Variants in WDR54 observed in about 807,000 individuals in gnomAD.
The protein encoded by WDR54 is WD repeat domain 54.
Under a neutral mutation model 44.1 loss-of-function variants are expected in WDR54, and 44 were observed. The observed-to-expected ratio is 1.00, with a 90% CI of 0.78 to 1.28. WDR54 has a LOEUF of 1.28. Ranked by LOEUF, WDR54 falls within the 50% of genes most tolerant of loss-of-function variation. The pLI is 0.00. For missense variants in WDR54, 409 were observed against 429.7 expected (o/e 0.95, Z 0.43); for synonymous variants, 169 against 169.8 (o/e 1.00, Z 0.04).
rs140344185 is a variant in WDR54 at position 74,423,913 on chromosome 2, A to G, written c.465A>G (p.Val155=). The change falls in exon 6 of 10, where the codon GTA becomes GTG. Residue 155 remains valine (V), a synonymous_variant. Coordinates refer to ENST00000348227, the MANE Select transcript of WDR54 (RefSeq NM_032118.4). ...TCCCAGCAAAGGGTCCCAACATTGTACTGAGCGAGGAGCTGGCTGGGCACC... is the reference window on the plus strand; with the variant it reads ...TCCCAGCAAAGGGTCCCAACATTGTGCTGAGCGAGGAGCTGGCTGGGCACC... ...FDIPAKGPNI[V]LSEELAGHQM... 52 of 1,614,104 alleles carry G rather than the reference A, an allele frequency of 3.2e-5. 1 individual carries two copies. The African/African-American group carries it at 5.3e-4, about 17-fold the overall frequency.
chr2:74,422,399 T>G, intron 2 of WDR54, 24 bp downstream of exon 2: 5 of 1,600,964 alleles, frequency 3.1e-6, no homozygotes, highest in Non-Finnish European at 2.6e-6. Context: ...CTGGGAGTGA[T>G]GTTGCTGAAC....
chr2:74,422,085 C>G, intron 1 of WDR54, 68 bp from the exon 2 acceptor site: 5 of 1,512,414 alleles, frequency 3.3e-6, no homozygotes, highest in Non-Finnish European at 4.5e-6. Flanking sequence ...TCGATGATAG[C>G]CGCCCTCGGG....
intron 6 of WDR54, among the ~76,000 whole-genome samples, chr2:74,424,648 T>C (rs746462111): frequency 2.0e-5 from 3 of 152,138 alleles, no homozygotes; most frequent in East Asian, 1.9e-4. Context: ...CCTAATGTTA[T>C]TGGGGGATGG....
At position 74,421,742 on chromosome 2, in the gene WDR54, G is replaced by T; in HGVS notation, c.-76G>T. 1 of 601,320 alleles carries T rather than the reference G, an allele frequency of 1.7e-6. No individual in the cohort carries two copies. Among genetic ancestry groups the T allele is most frequent in the Non-Finnish European group, 3.0e-6 (1 of 328,682 alleles). The allele number at this position is 601,320 out of a possible 1,614,324, so 37.2% of individuals were successfully genotyped here. On this transcript the variant is annotated 5_prime_UTR_variant, in exon 1 of 10. Coordinates refer to ENST00000348227, the MANE Select transcript of WDR54 (RefSeq NM_032118.4). The stretch of plus-strand genomic sequence containing the variant: ...CCGCCCAAGGGCCGTGCGTACGTGC[G>T]TCGTCTCTATGGTGGCGGCGGATTT...
intron 2 of WDR54, 74 bp from the exon 3 acceptor site, chr2:74,422,792 CCCAA>C: frequency 8.5e-7 from 1 of 1,172,772 alleles, no homozygotes. Flanking sequence ...GACTCCGTCC[CCCAA>C]AAAAAAAAAA....
chr2:74,423,908 A>G lies in WDR54; in HGVS notation c.460A>G (p.Ile154Val), dbSNP rs752666618. The change falls in exon 6 of 10, where the codon ATT becomes GTT. Residue 154 changes from isoleucine to valine, a missense_variant. Coordinates refer to ENST00000348227, the MANE Select transcript of WDR54 (RefSeq NM_032118.4). ...VFDIPAKGPN[I>V]VLSEELAGHQ... ...TGACATCCCAGCAAAGGGTCCCAAC[A>G]TTGTACTGAGCGAGGAGCTGGCTGG... 9 of 1,614,142 alleles carry G rather than the reference A, an allele frequency of 5.6e-6. No individual in the cohort carries two copies. Among genetic ancestry groups the G allele is most frequent in the South Asian group, 5.5e-5 (5 of 91,078 alleles).
rs1356418637 is a variant in WDR54, at chr2:74,423,999, T to A, written c.534+17T>A. On this transcript the variant is annotated intron_variant, in intron 6 of 9. Coordinates refer to ENST00000348227, the MANE Select transcript of WDR54 (RefSeq NM_032118.4). ...CAGGGACAGGTGAGTGGACTTCCCCTACCCATCTGGGAGCCTTCCCCACCC... is the reference window on the plus strand; with the variant it reads ...CAGGGACAGGTGAGTGGACTTCCCCAACCCATCTGGGAGCCTTCCCCACCC... 6.2e-7 allele frequency: 1 copy of A among 1,613,768 alleles called. No individual in the cohort carries two copies.
Position 74,423,926 on chromosome 2 carries a change from C to T in WDR54, c.478C>T (p.Leu160=). 2 of 1,614,146 alleles carry T rather than the reference C, an allele frequency of 1.2e-6. No homozygotes were observed. Among genetic ancestry groups the T allele is most frequent in the Middle Eastern group, 1.6e-4 (1 of 6,062 alleles). Residue 160 remains leucine, a synonymous_variant, in exon 6 of 10, where the codon CTG becomes TTG. Transcript: ENST00000348227. ...KGPNIVLSEE[L]AGHQMPITDI... is the part of the protein sequence containing the mutation. ...TCCCAACATTGTACTGAGCGAGGAG[C>T]TGGCTGGGCACCAGATGCCAATCAC...
chr2:74,422,456 A>T (rs895815131), intron 2 of WDR54, 81 bp downstream of exon 2: 1 of 1,443,956 alleles, frequency 6.9e-7, no homozygotes, highest in Non-Finnish European at 9.4e-7. Flanking sequence ...AGGAGCAGGC[A>T]TGTCCTAACC....
chr2:74,423,466 T>A lies in WDR54; in HGVS notation c.353-12T>A, dbSNP rs1670215212. 1.2e-6 allele frequency: 2 copies of A among 1,613,848 alleles called. No individual in the cohort carries two copies. ...GGGGATATTTCTGATCATTCTCCCC[T>A]TTCATATTCAGTACAGGCTGTGTTT... On this transcript the variant is annotated splice_polypyrimidine_tract_variant and intron_variant, in intron 4 of 9. Coordinates refer to ENST00000348227, the MANE Select transcript of WDR54 (RefSeq NM_032118.4).
At chr2:74,423,111 C>G in intron 3 of WDR54, 179 bp downstream of exon 3, 3 of 816,034 alleles carry the variant, frequency 3.7e-6, no homozygotes, top group Non-Finnish European at 6.1e-6. Flanking sequence ...AGTGCCACCT[C>G]CAGTATCTGC....
Position 74,422,180 on chromosome 2 carries a change from C to G in WDR54, c.27C>G (p.Pro9=). 1.2e-6 allele frequency: 2 copies of G among 1,613,514 alleles called. No individual in the cohort carries two copies. Among genetic ancestry groups the G allele is most frequent in the Non-Finnish European group, 1.7e-6 (2 of 1,180,032 alleles). MFRWERSI[P]LRGSAAALCN... Reference sequence around the variant, plus strand: ...TGTTCCGCTGGGAGCGCTCCATTCCCCTGCGAGGCTCGGCCGCCGCCCTGT... The same window carrying G: ...TGTTCCGCTGGGAGCGCTCCATTCCGCTGCGAGGCTCGGCCGCCGCCCTGT... Residue 9 remains proline, a synonymous_variant, in exon 2 of 10, where the codon CCC becomes CCG. Transcript: ENST00000348227.
intron 6 of WDR54, 58 bp from the exon 7 acceptor site, chr2:74,424,816 CT>C: frequency 6.2e-7 from 1 of 1,602,714 alleles, no homozygotes; most frequent in Non-Finnish European, 8.5e-7. Context: ...CCCTCCTGCC[CT>C]GTATACAGGA....
In WDR54 at chr2:74,422,112, G is replaced by T. The variant is rs376301944; in HGVS notation, c.-1-41G>T. Reference sequence around the variant, plus strand: ...GCCCTCGGGCATCTCCGCTGCGTCTGTTTGTAGCGCGCCTGGTGATTCGGC... The same window carrying T: ...GCCCTCGGGCATCTCCGCTGCGTCTTTTTGTAGCGCGCCTGGTGATTCGGC... On this transcript the variant is annotated intron_variant, in intron 1 of 9. Coordinates refer to ENST00000348227, the MANE Select transcript of WDR54 (RefSeq NM_032118.4). 2.5e-6 allele frequency: 4 copies of T among 1,597,190 alleles called. No individual in the cohort carries two copies. The Admixed American group carries it at 6.7e-5, about 27-fold the overall frequency.
rs565011328 is a variant in WDR54, at chr2:74,424,763, C to T, written c.535-112C>T. On this transcript the variant is annotated intron_variant, in intron 6 of 9. Coordinates refer to ENST00000348227, the MANE Select transcript of WDR54 (RefSeq NM_032118.4). The stretch of plus-strand genomic sequence containing the variant: ...TAGCTAGTGAGAGCTCCACACCTTG[C>T]CCTTTCCCTGGAGAGGCAAAGATGC... The T allele has an allele frequency of 3.7e-6, 5 of 1,347,918 alleles. No individual in the cohort carries two copies. The Admixed American group carries it at 6.8e-5, about 18-fold the overall frequency. 83.5% of individuals were successfully genotyped at this position (1,347,918 alleles called of 1,614,324 possible). A position where few individuals can be genotyped will look rare whatever the true frequency, so the allele number is the denominator to read the frequency against.
intron 7 of WDR54, 45 bp from the exon 8 acceptor site, chr2:74,425,030 T>C (rs1253800030): frequency 6.2e-7 from 1 of 1,613,546 alleles, no homozygotes; most frequent in Admixed American, 1.7e-5. Context: ...GGCTGGGGAG[T>C]AGGATTTGAT....
rs1258313400 is a variant in WDR54, at chr2:74,422,400, G to A, written c.222+25G>A. The A allele has an allele frequency of 1.8e-5, 29 of 1,599,384 alleles. 1 individual carries two copies. In the Admixed American group the frequency reaches 4.7e-4, roughly 26 times the overall value. On this transcript the variant is annotated intron_variant, in intron 2 of 9. Transcript: ENST00000348227. ...GGTGAGGCATGGAGCTGGGAGTGAT[G>A]TTGCTGAACCCAGTCCTACCCCCAG...
chr2:74,424,281 T>A (rs1292157575), intron 6 of WDR54, among the ~76,000 whole-genome samples: 1 of 152,226 alleles, frequency 6.6e-6, no homozygotes, highest in Non-Finnish European at 1.5e-5. Flanking sequence ...AAGTCCCACC[T>A]ATTCAGGCCC....
At chr2:74,423,224 T>G in intron 3 of WDR54, 95 bp from the exon 4 acceptor site, 1 of 1,424,878 alleles carries the variant, frequency 7.0e-7, no homozygotes, top group East Asian at 2.3e-5. Context: ...AGATTTGTTT[T>G]GAGGATTAAA....
Sources: allele counts gnomAD v4.1 joint callset (sites outside exome capture counted in the v4.1 genomes callset), GRCh38; gene constraint gnomAD v4.1.1; transcripts MANE v1.5; gene names NCBI Gene and HGNC (gene_info 2026-07-23, HGNC 2026-07-21).